The following OXNAD1 variants were observed in gnomAD, a reference collection of about 807,000 sequenced individuals.
OXNAD1 encodes the protein oxidoreductase NAD binding domain containing 1.
A neutral mutation model predicts 32.9 loss-of-function variants in OXNAD1; 34 were observed. That is an observed-to-expected ratio of 1.03 (90% CI 0.79 to 1.38). The LOEUF (loss-of-function observed/expected upper bound fraction) is 1.38, where lower values mean the gene tolerates loss of function less well. Among genes scored for constraint, OXNAD1 ranks in the 40% most tolerant of loss-of-function variants. The probability of loss-of-function intolerance (pLI) is 0.00; values close to 1 mark genes in which losing one functional copy is unlikely to be tolerated. For synonymous variants in OXNAD1, 134 were observed against 135.2 expected (o/e 0.99, Z 0.06); for missense variants, 407 against 379.4 (o/e 1.07, Z -0.60).
At chr3:16,343,530 A>G (rs1307775675) in intron 9 of OXNAD1, among the ~76,000 whole-genome samples, 2 of 152,170 alleles carry the variant, frequency 1.3e-5, no homozygotes, top group Non-Finnish European at 2.9e-5. Context: ...CCTGTACCCT[A>G]GAGTCTGCTG....
rs2066148944 is a variant in OXNAD1 at position 16,287,439 on chromosome 3, A to G, written c.290+991A>G. On this transcript the variant is annotated intron_variant, in intron 5 of 8. Transcript: ENST00000285083. This position sits in a 1 kb window ranked among gnomAD's most constrained non-coding sequence, Gnocchi z 4.8. ...TGCAATAATTTGGGTTTGTGAAGCA[A>G]TTTACTGCAATCTTTGCACATGTTC... 2.0e-5 allele frequency among the ~76,000 whole-genome samples: 3 copies of G among 152,214 alleles called. No homozygotes were observed. The highest frequency in any genetic ancestry group is 2.1e-4 in the South Asian group (1 of 4,836).
chr3:16,331,631 A>G (rs918391418), intron 9 of OXNAD1, among the ~76,000 whole-genome samples: 4 of 152,202 alleles, frequency 2.6e-5, no homozygotes, highest in African/African-American at 9.7e-5. Flanking sequence ...TAAATATTCC[A>G]AGATCCTAAA....
In OXNAD1 at chr3:16,271,906, A is replaced by G. The variant is rs1448822872; in HGVS notation, c.183+184A>G. Among the ~76,000 whole-genome samples the G allele has an allele frequency of 2.0e-5, 3 of 152,160 alleles. No individual in the cohort carries two copies. Among genetic ancestry groups the G allele is most frequent in the Non-Finnish European group, 4.4e-5 (3 of 68,018 alleles). On this transcript the variant is annotated intron_variant, in intron 4 of 8. Transcript: ENST00000285083. This position sits in a 1 kb window ranked among gnomAD's most constrained non-coding sequence, Gnocchi z 4.6. ...GATATCTGATTTGAAAAGATGACAG[A>G]TACTCAAATTTTTCCCTTTAAACTT...
Position 16,316,675 on chromosome 3 carries a change from C to T in OXNAD1, c.*30+13083C>T. The T allele has an allele frequency of 1.2e-6, 1 of 831,592 alleles. No individual in the cohort carries two copies. Among genetic ancestry groups the T allele is most frequent in the South Asian group, 1.6e-5 (1 of 62,534 alleles). The allele number at this position is 831,592 out of a possible 1,614,324, so 51.5% of individuals were successfully genotyped here. On this transcript the variant is annotated intron_variant, in intron 9 of 9. Transcript: ENST00000435829. This position sits in a 1 kb window ranked among gnomAD's most constrained non-coding sequence, Gnocchi z 4.5. The stretch of plus-strand genomic sequence containing the variant: ...AACCAACACTGTCAGGAACCTGGCC[C>T]TGGGAGGGCTCAGGTGAGCTCACAA...
chr3:16,337,832 T>G (rs60298256), downstream of OXNAD1, among the ~76,000 whole-genome samples: 3,814 of 152,178 alleles, frequency 0.025, 149 homozygotes, highest in African/African-American at 0.088. This position sits in a 1 kb window ranked among gnomAD's most constrained non-coding sequence, Gnocchi z 5.0. Context: ...TGTTCCTAAT[T>G]TGTCACCACA....
chr3:16,275,932 C>G (rs1228719041), intron 4 of OXNAD1: 1 of 152,674 alleles, frequency 6.5e-6, no homozygotes, highest in East Asian at 1.9e-4. Context: ...TTTAGATACT[C>G]AAAAGATGTG....
intron 9 of OXNAD1, among the ~76,000 whole-genome samples, chr3:16,326,100 A>G (rs2069661970): frequency 6.6e-6 from 1 of 152,202 alleles, no homozygotes; most frequent in Non-Finnish European, 1.5e-5. Context: ...CATGCTTACA[A>G]CCCCACAGGG....
Position 16,319,780 on chromosome 3 carries a change from C to T in OXNAD1, c.*30+16188C>T, listed in dbSNP as rs183436529. Among the ~76,000 whole-genome samples the T allele has an allele frequency of 8.5e-5, 13 of 152,306 alleles. No homozygotes were observed. The East Asian group carries it at 1.7e-3, about 20-fold the overall frequency. ...AGATCCCAACAATTCAAAAAGGAGA[C>T]GTCTCAGAAAGCAAGAGGAGGCCTG... On this transcript the variant is annotated intron_variant, in intron 9 of 9. Transcript: ENST00000435829.
In OXNAD1 at chr3:16,337,106, C is replaced by G. The variant is rs1056180194; in HGVS notation, c.*31-6C>G. ...AGGAGCCTTGCTGTTTCTGCTCACT[C>G]TCCAGGAACCCTGCCTACGCCATGA... On this transcript the variant is annotated splice_region_variant and splice_polypyrimidine_tract_variant and intron_variant, in intron 9 of 9. Coordinates refer to the OXNAD1 transcript ENST00000435829. This position sits in a 1 kb window ranked among gnomAD's most constrained non-coding sequence, Gnocchi z 5.0. The G allele has an allele frequency of 6.6e-6, 1 of 152,268 alleles. No homozygotes were observed. Among genetic ancestry groups the G allele is most frequent in the African/African-American group, 2.4e-5 (1 of 41,456 alleles). 9.4% of individuals were successfully genotyped at this position (152,268 alleles called of 1,614,324 possible).
chr3:16,301,533 A>G lies in OXNAD1; in HGVS notation c.433-93A>G. On this transcript the variant is annotated intron_variant, in intron 6 of 8. Transcript: ENST00000285083. This position sits in a 1 kb window ranked among gnomAD's most constrained non-coding sequence, Gnocchi z 4.1. The stretch of plus-strand genomic sequence containing the variant: ...ATAAAAATAGTCTTAAATACTGATA[A>G]TACAGGAGATAGACCCAGTTTTATT... 7.0e-7 allele frequency: 1 copy of G among 1,423,614 alleles called. No individual in the cohort carries two copies. Among genetic ancestry groups the G allele is most frequent in the Non-Finnish European group, 9.6e-7 (1 of 1,038,596 alleles). The allele number at this position is 1,423,614 out of a possible 1,614,324, so 88.2% of individuals were successfully genotyped here.
intron 5 of OXNAD1, among the ~76,000 whole-genome samples, chr3:16,291,432 G>A (rs778945014): frequency 2.6e-5 from 4 of 152,082 alleles, no homozygotes; most frequent in East Asian, 3.8e-4. Context: ...CCTCCTGCCC[G>A]GCTTAGATGA....
chr3:16,324,460 T>G (rs2069454397), intron 9 of OXNAD1, among the ~76,000 whole-genome samples: 1 of 152,152 alleles, frequency 6.6e-6, no homozygotes, highest in Admixed American at 6.5e-5. Context: ...CAGCCTCTGG[T>G]AAACACCATT....
In OXNAD1 at chr3:16,320,579, C is replaced by T. The variant is rs1160205181; in HGVS notation, c.*31-16533C>T. Among the ~76,000 whole-genome samples the T allele has an allele frequency of 6.6e-6, 1 of 152,166 alleles. No homozygotes were observed. Among genetic ancestry groups the T allele is most frequent in the Non-Finnish European group, 1.5e-5 (1 of 68,032 alleles). On this transcript the variant is annotated intron_variant, in intron 9 of 9. Transcript: ENST00000435829. This position sits in a 1 kb window ranked among gnomAD's most constrained non-coding sequence, Gnocchi z 4.5. The stretch of plus-strand genomic sequence containing the variant: ...ATAATGATCACAAATAACTAAAAGC[C>T]CAAAGGAGAGCTCTGAAGGAGAAGA...
In OXNAD1 at chr3:16,277,459, C is replaced by T. The variant is rs2065433030; in HGVS notation, c.183+5737C>T. On this transcript the variant is annotated intron_variant, in intron 4 of 8. Coordinates refer to ENST00000285083, the MANE Select transcript of OXNAD1 (RefSeq NM_138381.5). This position sits in a 1 kb window ranked among gnomAD's most constrained non-coding sequence, Gnocchi z 4.3. ...GGCCATAACAGAACTGGATCAGCTT[C>T]TTATAGTCTCGTCTTCCATTCTTGC... is the stretch of plus-strand genomic sequence containing the variant. 6.6e-6 allele frequency among the ~76,000 whole-genome samples: 1 copy of T among 152,184 alleles called. No homozygotes were observed. The highest frequency in any genetic ancestry group is 6.5e-5 in the Admixed American group (1 of 15,278).
rs1195828248 is a variant in OXNAD1 at position 16,346,131 on chromosome 3, A to C, written c.*31-3045A>C. 1 of 152,124 alleles carries C rather than the reference A, an allele frequency of 6.6e-6. No homozygotes were observed. The highest frequency in any genetic ancestry group is 2.1e-4 in the South Asian group (1 of 4,832). 9.4% of individuals were successfully genotyped at this position (152,124 alleles called of 1,614,324 possible). ...CCAGCACCCCTCAGGAAGCTTGACA[A>C]TGAAGAGGAATTATTGATGAATGTG... On this transcript the variant is annotated intron_variant, in intron 9 of 9. Coordinates refer to the OXNAD1 transcript ENST00000606098. The surrounding 1 kb of genome is among the most constrained non-coding windows in gnomAD (Gnocchi z 4.4).
intron 9 of OXNAD1, among the ~76,000 whole-genome samples, chr3:16,313,874 A>G (rs1314430356): frequency 6.6e-6 from 1 of 152,172 alleles, no homozygotes; most frequent in Non-Finnish European, 1.5e-5. Context: ...TATGCACTTC[A>G]GAGCAATGCA....
chr3:16,291,680 T>C (rs1230285694), intron 5 of OXNAD1, among the ~76,000 whole-genome samples: 3 of 152,240 alleles, frequency 2.0e-5, no homozygotes, highest in African/African-American at 7.2e-5. Flanking sequence ...GGGGCTATTG[T>C]GAATAATGCT....
rs2067207434 is a variant in OXNAD1 at position 16,301,820 on chromosome 3, A to G, written c.627A>G (p.Thr209=). 1 of 1,614,004 alleles carries G rather than the reference A, an allele frequency of 6.2e-7. No homozygotes were observed. The change falls in exon 7 of 9, where the codon ACA becomes ACG. Residue 209 remains threonine, a synonymous_variant. Transcript: ENST00000285083. This position sits in a 1 kb window ranked among gnomAD's most constrained non-coding sequence, Gnocchi z 4.1. ...ANKRNGYEIG[T]IKLFYSAKNT... is the part of the protein sequence containing the mutation. ...AAAGAAATGGATATGAGATAGGAAC[A>G]ATAAAACTATTCTACAGTGCAAAAA... is the stretch of plus-strand genomic sequence containing the variant.
In OXNAD1 at chr3:16,303,710, C is replaced by T; in HGVS notation, c.*148C>T. On this transcript the variant is annotated 3_prime_UTR_variant, in exon 9 of 9. Transcript: ENST00000285083. The surrounding 1 kb of genome is among the most constrained non-coding windows in gnomAD (Gnocchi z 4.8). ...TTAGTGACCAGCTGGATAATAAAAGCCAGCTGGCAGACTTAAATGATAAAC... is the reference window on the plus strand; with the variant it reads ...TTAGTGACCAGCTGGATAATAAAAGTCAGCTGGCAGACTTAAATGATAAAC... 1.2e-6 allele frequency: 1 copy of T among 828,874 alleles called. No homozygotes were observed. The highest frequency in any genetic ancestry group is 2.9e-5 in the East Asian group (1 of 34,242). The allele number at this position is 828,874 out of a possible 1,614,324, so 51.3% of individuals were successfully genotyped here. A position where few individuals can be genotyped will look rare whatever the true frequency, so the allele number is the denominator to read the frequency against.
Sources: allele counts gnomAD v4.1 joint callset (sites outside exome capture counted in the v4.1 genomes callset), GRCh38; gene constraint gnomAD v4.1.1; non-coding constraint Gnocchi (gnomAD v3.1); transcripts MANE v1.5; gene names NCBI Gene and HGNC (gene_info 2026-07-23, HGNC 2026-07-21).